Variants in CPED1 observed in about 807,000 individuals in gnomAD.
CPED1 encodes the protein cadherin like and PC-esterase domain containing 1.
A neutral mutation model predicts 128.2 loss-of-function variants in CPED1; 114 were observed. The ratio of observed to expected loss-of-function variants is 0.89; its 90% confidence interval spans 0.76 to 1.04. The LOEUF is 1.04. Ranked by LOEUF, CPED1 falls within the 50% of genes least tolerant of loss-of-function variation. The pLI is 0.00. For missense variants in CPED1, 1,211 were observed against 1,207.1 expected (o/e 1.00, Z -0.05); for synonymous variants, 462 against 426.7 (o/e 1.08, Z -1.02).
chr7:121,278,348 G>A (rs1284765806), intron 22 of CPED1, among the ~76,000 whole-genome samples: 1 of 152,022 alleles, frequency 6.6e-6, no homozygotes, highest in Non-Finnish European at 1.5e-5. Context: ...AACAAGGTGG[G>A]GAGGAGGGTC....
intron 16 of CPED1, 122 bp downstream of exon 16, chr7:121,142,263 A>G (rs1033139513): frequency 7.6e-6 from 7 of 921,524 alleles, no homozygotes; most frequent in Non-Finnish European, 9.8e-6. Context: ...CTGTGGTCTC[A>G]TTTCAAAAAA....
At chr7:121,000,003 A>T (rs1265172026) in intron 2 of CPED1, among the ~76,000 whole-genome samples, 2 of 152,116 alleles carry the variant, frequency 1.3e-5, no homozygotes, top group African/African-American at 2.4e-5. Flanking sequence ...CCTCTAAGCA[A>T]TTCTGTTTCT....
Position 121,295,505 on chromosome 7 carries a change from C to A in CPED1, c.2934C>A (p.Ile978=), listed in dbSNP as rs933308367. 6.8e-6 allele frequency: 11 copies of A among 1,613,938 alleles called. No homozygotes were observed. Among genetic ancestry groups the A allele is most frequent in the Non-Finnish European group, 8.5e-6 (10 of 1,179,860 alleles). Residue 978 remains isoleucine, a synonymous_variant, in exon 23 of 23, where the codon ATC becomes ATA. Coordinates refer to ENST00000310396, the MANE Select transcript of CPED1 (RefSeq NM_024913.5). The stretch of plus-strand genomic sequence containing the variant: ...AAATGAAAAGATCAAGAAATCATAT[C>A]ATGGGAAGATATTTCAGCAATCAAA... The part of the protein sequence containing the change: ...FIKMKRSRNH[I]MGRYFSNQSK...
intron 14 of CPED1, 60 bp downstream of exon 14, chr7:121,136,150 T>TG (rs1481309161): frequency 1.4e-6 from 2 of 1,451,118 alleles, no homozygotes; most frequent in Admixed American, 2.7e-5. Flanking sequence ...AGCCTTACTT[T>TG]GAAAAAAAAT....
rs551239853 is a variant in CPED1, at chr7:121,122,053, G to A, written c.919-2278G>A. ...TTTTAAAAATTCATATGAAGCACTC[G>A]CGTGATTCTACTTTAATTTCTAGCA... On this transcript the variant is annotated intron_variant, in intron 7 of 22. Transcript: ENST00000310396. Among the ~76,000 whole-genome samples the A allele has an allele frequency of 7.2e-5, 11 of 151,958 alleles. No homozygotes were observed. In the South Asian group the frequency reaches 1.5e-3, roughly 20 times the overall value.
intron 5 of CPED1, among the ~76,000 whole-genome samples, chr7:121,088,727 G>A (rs1382030539): frequency 1.2e-5 from 1 of 82,802 alleles, no homozygotes; most frequent in Non-Finnish European, 2.3e-5. Context: ...AAAGAAACAG[G>A]TTAACTTCAA....
chr7:121,199,697 A>AAAAAAAAAAAAAAAG (rs1797350348), intron 16 of CPED1, among the ~76,000 whole-genome samples: 1 of 41,760 alleles, frequency 2.4e-5, no homozygotes, highest in Non-Finnish European at 4.1e-5. Flanking sequence ...AAAAAAAAAA[A>AAAAAAAAAAAAAAAG]AAAGAAAGAA....
chr7:121,204,802 A>G (rs891107080), intron 16 of CPED1, among the ~76,000 whole-genome samples: 1 of 152,162 alleles, frequency 6.6e-6, no homozygotes, highest in African/African-American at 2.4e-5. Context: ...AGTCATTTAC[A>G]GGCAGAAATA....
At chr7:121,002,081 C>G (rs940207950) in intron 2 of CPED1, among the ~76,000 whole-genome samples, 1 of 151,944 alleles carries the variant, frequency 6.6e-6, no homozygotes, top group Non-Finnish European at 1.5e-5. Context: ...TATACAAATG[C>G]CAAGTTATAA....
At chr7:121,116,664 T>C (rs1352669152) in intron 7 of CPED1, among the ~76,000 whole-genome samples, 1 of 152,096 alleles carries the variant, frequency 6.6e-6, no homozygotes, top group African/African-American at 2.4e-5. Flanking sequence ...CTAAACCTAA[T>C]ATGATCAAAA....
At chr7:121,032,248 A>T (rs1220935345) in intron 3 of CPED1, among the ~76,000 whole-genome samples, 1 of 152,218 alleles carries the variant, frequency 6.6e-6, no homozygotes, top group African/African-American at 2.4e-5. Context: ...GACAAACAAA[A>T]GAAGCAAGAT....
intron 3 of CPED1, among the ~76,000 whole-genome samples, chr7:121,027,742 GTAA>G (rs10682627): frequency 0.12 from 17,173 of 143,344 alleles, 1,283 homozygotes; most frequent in African/African-American, 0.23. Flanking sequence ...ATAACCTTTA[GTAA>G]TAATAATAAT....
At chr7:121,190,703 T>C (rs932252980) in intron 16 of CPED1, among the ~76,000 whole-genome samples, 6 of 152,124 alleles carry the variant, frequency 3.9e-5, no homozygotes, top group Non-Finnish European at 8.8e-5. Context: ...GAAAATACTT[T>C]TATTTTATCT....
intron 16 of CPED1, among the ~76,000 whole-genome samples, chr7:121,225,913 TG>T (rs1158239417): frequency 2.6e-5 from 4 of 152,124 alleles, no homozygotes; most frequent in Non-Finnish European, 5.9e-5. Context: ...TTCCTTGTGA[TG>T]GGTTTGAACA....
At chr7:121,232,303 T>C (rs1202530985) in intron 16 of CPED1, among the ~76,000 whole-genome samples, 1 of 152,012 alleles carries the variant, frequency 6.6e-6, no homozygotes, top group Non-Finnish European at 1.5e-5. Flanking sequence ...CTTTGAGATT[T>C]TAGAAGGGTT....
chr7:121,013,116 G>A (rs901341117), intron 2 of CPED1, among the ~76,000 whole-genome samples: 8 of 152,176 alleles, frequency 5.3e-5, no homozygotes, highest in African/African-American at 1.7e-4. Flanking sequence ...GGAAGCATCT[G>A]TCTTCCCCTT....
chr7:121,225,623 CAT>C (rs1403081800), intron 16 of CPED1, among the ~76,000 whole-genome samples: 1 of 152,114 alleles, frequency 6.6e-6, no homozygotes, highest in Non-Finnish European at 1.5e-5. Flanking sequence ...ACCAATCAAA[CAT>C]AGATTTGGTC....
chr7:121,202,534 G>T (rs2116568353), intron 16 of CPED1, among the ~76,000 whole-genome samples: 2 of 152,070 alleles, frequency 1.3e-5, no homozygotes, highest in Admixed American at 1.3e-4. Flanking sequence ...GTTGTTTCAA[G>T]AAAAAAATTA....
At chr7:121,199,358 A>G (rs1241477720) in intron 16 of CPED1, among the ~76,000 whole-genome samples, 1 of 152,018 alleles carries the variant, frequency 6.6e-6, no homozygotes, top group Non-Finnish European at 1.5e-5. Flanking sequence ...TTCATGAGGT[A>G]TATGGTCTTT....
Sources: gnomAD v4.1 joint callset for allele counts (sites outside exome capture counted in the v4.1 genomes callset) on GRCh38, gnomAD v4.1.1 for gene constraint, MANE v1.5 for transcripts, NCBI Gene and HGNC (gene_info 2026-07-23, HGNC 2026-07-21) for gene names.